The following HMGA2 variants were observed in gnomAD, a reference collection of about 807,000 sequenced individuals.
HMGA2 encodes high mobility group protein HMGI-C.
In HMGA2, 8 loss-of-function variants were observed where a neutral mutation model predicts 19.1. The ratio of observed to expected loss-of-function variants is 0.42; its 90% confidence interval spans 0.25 to 0.76. HMGA2 has a LOEUF of 0.76. Among genes scored for constraint, HMGA2 ranks in the 30% least tolerant of loss-of-function variants. HMGA2 has a pLI of 0.28. For missense variants in HMGA2, 109 were observed against 136.3 expected (o/e 0.80, Z 1.00); for synonymous variants, 60 against 48.8 (o/e 1.23, Z -0.96).
At chr12:65,863,492 G>A (rs1872220062) in intron 3 of HMGA2, among the ~76,000 whole-genome samples, 1 of 152,192 alleles carries the variant, frequency 6.6e-6, no homozygotes, top group Non-Finnish European at 1.5e-5. Flanking sequence ...TGCAGTATGA[G>A]GTGAACATCT....
intron 3 of HMGA2, among the ~76,000 whole-genome samples, chr12:65,880,303 A>G (rs887283090): frequency 5.3e-5 from 8 of 152,230 alleles, no homozygotes; most frequent in African/African-American, 9.6e-5. Flanking sequence ...ACCTAATGGC[A>G]TGATTGTTTT....
intron 2 of HMGA2, among the ~76,000 whole-genome samples, chr12:65,830,420 C>A (rs887185323): frequency 6.6e-6 from 1 of 151,786 alleles, no homozygotes; most frequent in Non-Finnish European, 1.5e-5. Context: ...GATAAACATA[C>A]CCTGTGAGAC....
chr12:65,856,316 A>G (rs1335127983), intron 3 of HMGA2: 1 of 152,212 alleles, frequency 6.6e-6, no homozygotes, highest in African/African-American at 2.4e-5. Context: ...CTATAAAGCT[A>G]GACTTGGTGT....
chr12:65,897,973 A>G (rs1048027910), intron 3 of HMGA2, among the ~76,000 whole-genome samples: 1 of 152,112 alleles, frequency 6.6e-6, no homozygotes, highest in Non-Finnish European at 1.5e-5. Flanking sequence ...TCAAAAAAAA[A>G]AAAAAAAGTT....
intron 3 of HMGA2, among the ~76,000 whole-genome samples, chr12:65,868,450 C>T (rs1257151319): frequency 1.3e-5 from 2 of 152,030 alleles, no homozygotes; most frequent in South Asian, 2.1e-4. Flanking sequence ...CAGTCCACTA[C>T]GATCGTGGAG....
At chr12:65,905,884 AAT>A (rs1223821153) in intron 3 of HMGA2, among the ~76,000 whole-genome samples, 13 of 152,196 alleles carry the variant, frequency 8.5e-5, no homozygotes, top group African/African-American at 2.9e-4. Flanking sequence ...TTAAAAGCTA[AAT>A]ATAGAGTCTC....
chr12:65,951,366 T>C lies in HMGA2; in HGVS notation c.250-17T>C. 1 of 1,491,580 alleles carries C rather than the reference T, an allele frequency of 6.7e-7. No individual in the cohort carries two copies. The highest frequency in any genetic ancestry group is 9.0e-7 in the Non-Finnish European group (1 of 1,105,526). The allele number at this position is 1,491,580 out of a possible 1,614,324, so 92.4% of individuals were successfully genotyped here. On this transcript the variant is annotated splice_polypyrimidine_tract_variant and intron_variant, in intron 3 of 4. Coordinates refer to ENST00000403681, the MANE Select transcript of HMGA2 (RefSeq NM_003483.6). ...TATATTTTCTTTTAAAATATATCTT[T>C]TTCTTTTCCTCCTTAGCCACAACAA...
Position 65,853,660 on chromosome 12 carries a change from G to A in HMGA2, c.249+15091G>A, listed in dbSNP as rs547117147. 3.1e-4 allele frequency among the ~76,000 whole-genome samples: 47 copies of A among 152,300 alleles called. No homozygotes were observed. The South Asian group carries it at 9.8e-3, about 32-fold the overall frequency. ...CTCCTAAGTCAGTGATTCTGAGCGG[G>A]CAGAGTGGTAATGTGATGTCATGTC... On this transcript the variant is annotated intron_variant, in intron 3 of 4. Coordinates refer to ENST00000403681, the MANE Select transcript of HMGA2 (RefSeq NM_003483.6).
chr12:65,919,337 G>A (rs1448044920), intron 3 of HMGA2, among the ~76,000 whole-genome samples: 2 of 152,070 alleles, frequency 1.3e-5, no homozygotes, highest in African/African-American at 4.8e-5. Context: ...TGAGCTCTTG[G>A]CTCAAAAGAA....
At chr12:65,845,603 A>G (rs1871202719) in intron 3 of HMGA2, among the ~76,000 whole-genome samples, 1 of 152,086 alleles carries the variant, frequency 6.6e-6, no homozygotes, top group African/African-American at 2.4e-5. Flanking sequence ...GGAATTCCTG[A>G]TTCTAAACTC....
At chr12:65,923,325 T>C (rs547972161) in intron 3 of HMGA2, among the ~76,000 whole-genome samples, 12 of 152,326 alleles carry the variant, frequency 7.9e-5, no homozygotes, top group Non-Finnish European at 1.5e-4. Flanking sequence ...AGCAGCTCCA[T>C]TTTTATGATT....
At chr12:65,907,678 G>A (rs1017928778) in intron 3 of HMGA2, among the ~76,000 whole-genome samples, 1 of 152,128 alleles carries the variant, frequency 6.6e-6, no homozygotes, top group East Asian at 1.9e-4. Flanking sequence ...ACAAGCCAAC[G>A]TTTAGGGAAA....
At chr12:65,863,470 C>T (rs1255407992) in intron 3 of HMGA2, among the ~76,000 whole-genome samples, 2 of 152,220 alleles carry the variant, frequency 1.3e-5, no homozygotes, top group East Asian at 3.9e-4. Context: ...AAATTGACTG[C>T]ACCTTCCTTT....
intron 3 of HMGA2, among the ~76,000 whole-genome samples, chr12:65,844,490 A>T (rs530151302): frequency 6.6e-6 from 1 of 152,360 alleles, no homozygotes; most frequent in African/African-American, 2.4e-5. Flanking sequence ...CACTAAAGAG[A>T]TTATTTAAAA....
At chr12:65,897,941 A>C (rs11175949) in intron 3 of HMGA2, among the ~76,000 whole-genome samples, 2 of 150,494 alleles carry the variant, frequency 1.3e-5, no homozygotes, top group Non-Finnish European at 3.0e-5. Context: ...TCCAGCCTGG[A>C]TGACAAGAGC....
At chr12:65,937,838 A>T (rs1875948431) in intron 3 of HMGA2, among the ~76,000 whole-genome samples, 1 of 152,222 alleles carries the variant, frequency 6.6e-6, no homozygotes, top group South Asian at 2.1e-4. Context: ...TGTGCAGCTG[A>T]TTTCAGGGTC....
intron 3 of HMGA2, among the ~76,000 whole-genome samples, chr12:65,922,599 CTG>C (rs1209738998): frequency 6.6e-6 from 1 of 152,082 alleles, no homozygotes; most frequent in African/African-American, 2.4e-5. Flanking sequence ...AGACTTTGGA[CTG>C]TGAATTTTTG....
intron 3 of HMGA2, among the ~76,000 whole-genome samples, chr12:65,933,581 G>A (rs1875791485): frequency 6.6e-6 from 1 of 152,088 alleles, no homozygotes; most frequent in African/African-American, 2.4e-5. Flanking sequence ...AATGCTAAAG[G>A]ATAAAAAGAT....
At chr12:65,873,299 C>G (rs376283998) in intron 3 of HMGA2, among the ~76,000 whole-genome samples, 40 of 152,178 alleles carry the variant, frequency 2.6e-4, no homozygotes, top group African/African-American at 9.4e-4. Flanking sequence ...ACCATGAGCT[C>G]TCTAGGTTCT....
Sources: gnomAD v4.1 joint callset for allele counts (sites outside exome capture counted in the v4.1 genomes callset) on GRCh38, gnomAD v4.1.1 for gene constraint, MANE v1.5 for transcripts, NCBI Gene and HGNC (gene_info 2026-07-23, HGNC 2026-07-21) for gene names.